The following PTPN22 variants were observed in gnomAD, a reference collection of about 807,000 sequenced individuals.
PTPN22 encodes the protein protein tyrosine phosphatase non-receptor type 22, also known as tyrosine-protein phosphatase non-receptor type 22.
In PTPN22, 85 loss-of-function variants were observed where a neutral mutation model predicts 103.3. The observed-to-expected ratio is 0.82, with a 90% CI of 0.69 to 0.99. PTPN22 has a LOEUF of 0.99. PTPN22 is among the 50% of genes least tolerant of loss of function. The pLI, the probability that PTPN22 is intolerant of heterozygous loss-of-function variation, is 0.00. For missense variants in PTPN22, 865 were observed against 936.9 expected, an observed-to-expected ratio of 0.92 and a Z score of 1.00; for synonymous variants, 323 against 310.2, an observed-to-expected ratio of 1.04 and a Z score of -0.43.
chr1:113,857,164 T>C (rs1191486941), intron 5 of PTPN22, among the ~76,000 whole-genome samples: 1 of 152,224 alleles, frequency 6.6e-6, no homozygotes, highest in Non-Finnish European at 1.5e-5. Context: ...CATTTTTTAC[T>C]AAGTCTTCAA....
intron 1 of PTPN22, among the ~76,000 whole-genome samples, chr1:113,866,573 G>A (rs1028558229): frequency 1.1e-4 from 17 of 152,102 alleles, no homozygotes; most frequent in African/African-American, 3.4e-4. Context: ...TCCATGTGAT[G>A]ATGCTGCATC....
intron 20 of PTPN22, 25 bp downstream of exon 20, chr1:113,819,552 C>T (rs752872717): frequency 6.5e-7 from 1 of 1,530,292 alleles, no homozygotes; most frequent in Non-Finnish European, 9.0e-7. Context: ...ATTTTTTTAA[C>T]TCTTCAGTAA....
intron 20 of PTPN22, 95 bp downstream of exon 20, chr1:113,819,482 T>C (rs879542312): frequency 3.1e-5 from 28 of 894,734 alleles, no homozygotes; most frequent in Non-Finnish European, 4.4e-5. Flanking sequence ...GACCTATACA[T>C]GCAACCTAAA....
chr1:113,847,541 A>T (rs889671632), intron 11 of PTPN22, among the ~76,000 whole-genome samples: 1 of 143,232 alleles, frequency 7.0e-6, no homozygotes, highest in Non-Finnish European at 1.5e-5. Context: ...TCACATTGTT[A>T]TGAGACTCTG....
chr1:113,836,189 ATGTAGAATG>A (rs1314621069), intron 13 of PTPN22, among the ~76,000 whole-genome samples: 1 of 152,214 alleles, frequency 6.6e-6, no homozygotes, highest in Non-Finnish European at 1.5e-5. Context: ...CCTCCTATCT[ATGTAGAATG>A]TGCTTTACAA....
In PTPN22 at chr1:113,860,163, A is replaced by G. The variant is rs556141730; in HGVS notation, c.88-703T>C. ...ACACCTGGATAGTTCTCATATTTTCAGTAGAGAAGGGATTTCACCATGTTG... is the reference window on the plus strand; with the variant it reads ...ACACCTGGATAGTTCTCATATTTTCGGTAGAGAAGGGATTTCACCATGTTG... On this transcript the variant is annotated intron_variant, in intron 1 of 20. Transcript: ENST00000359785. 9.9e-5 allele frequency among the ~76,000 whole-genome samples: 15 copies of G among 152,092 alleles called. No individual in the cohort carries two copies. The East Asian group carries it at 2.9e-3, about 29-fold the overall frequency.
In PTPN22 at chr1:113,859,959, C is replaced by CTT. The variant is rs35810164; in HGVS notation, c.88-501_88-500dup. Among the ~76,000 whole-genome samples, 738 of 114,784 alleles carry CTT rather than the reference C, an allele frequency of 6.4e-3. 2 individuals are homozygous for CTT. The highest frequency in any genetic ancestry group is 0.012 in the African/African-American group (346 of 29,432). 75.3% of individuals were successfully genotyped at this position (114,784 alleles called of 152,430 possible). A position where few individuals can be genotyped will look rare whatever the true frequency, so the allele number is the denominator to read the frequency against. On this transcript the variant is annotated intron_variant, in intron 1 of 20. Transcript: ENST00000359785. ...AAGATTTCAGTTCCAAAAGCAGTCACTTTTTTTTTTTTTTTTTTTTGAGAT... is the reference window on the plus strand; with the variant it reads ...AAGATTTCAGTTCCAAAAGCAGTCACTTTTTTTTTTTTTTTTTTTTTTGAGAT...
chr1:113,817,861 A>G (rs1558012627), intron 20 of PTPN22, among the ~76,000 whole-genome samples: 3 of 152,172 alleles, frequency 2.0e-5, no homozygotes, highest in Admixed American at 2.0e-4. Flanking sequence ...AGGTAGGCCT[A>G]GAGTACTCAA....
chr1:113,856,312 T>C (rs1665063946), intron 7 of PTPN22, 70 bp downstream of exon 7: 1 of 1,477,638 alleles, frequency 6.8e-7, no homozygotes, highest in African/African-American at 1.4e-5. Flanking sequence ...CAGCCTGAGC[T>C]ACACACATCT....
intron 20 of PTPN22, among the ~76,000 whole-genome samples, chr1:113,818,529 G>C (rs1661342313): frequency 6.6e-6 from 1 of 152,130 alleles, no homozygotes; most frequent in Non-Finnish European, 1.5e-5. Context: ...AAAAAAGACA[G>C]ATCCAGAAAT....
intron 1 of PTPN22, 138 bp downstream of exon 1, chr1:113,871,399 C>CTTTTTTTTTTTTT: frequency 1.7e-6 from 1 of 596,346 alleles, no homozygotes; most frequent in Non-Finnish European, 2.9e-6. Context: ...AGAAGTCAAA[C>CTTTTTTTTTTTTT]TTTTTTTTTT....
chr1:113,815,018 G>A (rs755326185), intron 20 of PTPN22, 49 bp from the exon 21 acceptor site: 1 of 1,331,842 alleles, frequency 7.5e-7, no homozygotes, highest in Non-Finnish European at 1.1e-6. Context: ...TTTAAGTATA[G>A]AAATGAATAC....
chr1:113,837,104 A>G (rs572497056), intron 13 of PTPN22, among the ~76,000 whole-genome samples: 1 of 152,226 alleles, frequency 6.6e-6, no homozygotes, highest in South Asian at 2.1e-4. Context: ...AACTTATTAC[A>G]GCATTAAAAC....
At chr1:113,844,274 G>A (rs747076459) in intron 11 of PTPN22, among the ~76,000 whole-genome samples, 5 of 152,136 alleles carry the variant, frequency 3.3e-5, no homozygotes, top group Non-Finnish European at 7.3e-5. Flanking sequence ...GGCCAACATG[G>A]CAAAACCCCA....
chr1:113,822,611 C>T (rs1479183572), intron 19 of PTPN22, among the ~76,000 whole-genome samples: 1 of 152,116 alleles, frequency 6.6e-6, no homozygotes, highest in Non-Finnish European at 1.5e-5. Context: ...CTTCTCTGGA[C>T]CCTTTGGCTG....
chr1:113,819,577 C>A, exon 20 of PTPN22: 3 of 1,595,946 alleles, frequency 1.9e-6, no homozygotes, highest in East Asian at 2.2e-5. Context: ...ACACACATAC[C>A]AAAATTCAGA....
intron 5 of PTPN22, chr1:113,856,943 C>T (rs931488692): frequency 9.0e-6 from 2 of 221,532 alleles, no homozygotes; most frequent in Non-Finnish European, 1.8e-5. Flanking sequence ...AGTTCCCTTG[C>T]TTTTGATTAG....
At chr1:113,868,606 G>A (rs929875861) in intron 1 of PTPN22, among the ~76,000 whole-genome samples, 8 of 152,162 alleles carry the variant, frequency 5.3e-5, no homozygotes, top group African/African-American at 1.9e-4. Context: ...TCAGTGAACA[G>A]TGAGGTTACA....
intron 15 of PTPN22, 97 bp downstream of exon 15, chr1:113,834,212 T>C (rs1040058035): frequency 8.0e-7 from 1 of 1,249,948 alleles, no homozygotes; most frequent in Admixed American, 2.1e-5. Context: ...ATTTAGTATG[T>C]GCTTAGGATT....
Sources: allele counts gnomAD v4.1 joint callset (sites outside exome capture counted in the v4.1 genomes callset), GRCh38; gene constraint gnomAD v4.1.1; transcripts MANE v1.5; gene names NCBI Gene and HGNC (gene_info 2026-07-23, HGNC 2026-07-21).